RYR3: variants seen among roughly 807,000 people sequenced by gnomAD.
RYR3 encodes ryanodine receptor 3.
RYR3 carries 207 observed loss-of-function variants against 584.3 expected under a neutral mutation model. The ratio of observed to expected loss-of-function variants is 0.35; its 90% CI spans 0.32 to 0.40. The LOEUF is 0.40. Ranked by LOEUF, RYR3 falls within the 10% of genes least tolerant of loss-of-function variation. The probability of loss-of-function intolerance (pLI) is 1.00; values close to 1 mark genes in which losing one functional copy is unlikely to be tolerated. For missense variants in RYR3, 5,616 were observed against 6,089.2 expected, an observed-to-expected ratio of 0.92 and a Z score of 2.59; for synonymous variants, 2,416 against 2,248.5, an observed-to-expected ratio of 1.07 and a Z score of -2.11.
intron 12 of RYR3, among the ~76,000 whole-genome samples, chr15:33,568,870 A>C (rs1229320279): frequency 6.6e-6 from 1 of 152,238 alleles, no homozygotes; most frequent in African/African-American, 2.4e-5. Context: ...AGCCCTAGGC[A>C]ACCACTAATC....
chr15:33,645,873 A>G (rs2062074085), intron 28 of RYR3, among the ~76,000 whole-genome samples: 1 of 151,402 alleles, frequency 6.6e-6, no homozygotes, highest in Admixed American at 6.6e-5. Flanking sequence ...GGCAGAGATG[A>G]GAGCTGGGCT....
intron 14 of RYR3, among the ~76,000 whole-genome samples, chr15:33,583,122 C>T (rs530723013): frequency 3.3e-5 from 5 of 152,226 alleles, no homozygotes; most frequent in East Asian, 1.9e-4. Flanking sequence ...ATACAGATGC[C>T]GAGGCCCACC....
chr15:33,342,950 A>C (rs1253415701), intron 1 of RYR3, among the ~76,000 whole-genome samples: 4 of 152,242 alleles, frequency 2.6e-5, no homozygotes, highest in Non-Finnish European at 4.4e-5. Context: ...GGGCAGAAGT[A>C]TAGAGCTTTG....
At chr15:33,801,354 G>A (rs192475397) in intron 68 of RYR3, among the ~76,000 whole-genome samples, 1 of 152,192 alleles carries the variant, frequency 6.6e-6, no homozygotes, top group East Asian at 1.9e-4. Context: ...GGTGACAAAT[G>A]TTTCATATTT....
At chr15:33,706,158 T>C (rs2066701465) in intron 42 of RYR3, among the ~76,000 whole-genome samples, 1 of 152,206 alleles carries the variant, frequency 6.6e-6, no homozygotes, top group South Asian at 2.1e-4. Flanking sequence ...AATAAAAACT[T>C]GAGCAGTTCT....
At chr15:33,317,220 A>G (rs906133636) in intron 1 of RYR3, among the ~76,000 whole-genome samples, 1 of 152,142 alleles carries the variant, frequency 6.6e-6, no homozygotes, top group African/African-American at 2.4e-5. Flanking sequence ...TCTTTCGCTC[A>G]AAGCACTGGG....
intron 32 of RYR3, among the ~76,000 whole-genome samples, chr15:33,658,035 C>T (rs144611575): frequency 0.013 from 1,908 of 152,328 alleles, 18 homozygotes; most frequent in Middle Eastern, 0.034. Context: ...TATACTCATT[C>T]TCTGTTGTCA....
At chr15:33,669,253 A>T in intron 36 of RYR3, 101 bp from the exon 37 acceptor site, 1 of 802,290 alleles carries the variant, frequency 1.2e-6, no homozygotes, top group Non-Finnish European at 1.9e-6. Flanking sequence ...CACTAAGTAA[A>T]ATAAATTTGA....
At position 33,560,093 on chromosome 15, in the gene RYR3, G is replaced by T. The variant is rs1161598722; in HGVS notation, c.973-2744G>T. On this transcript the variant is annotated intron_variant, in intron 10 of 103. Transcript: ENST00000634891. ...CATTTCTAGCAGTAGGGTGACTGCA[G>T]CTGGGACCATATTCAAGTAAAAACA... Among the ~76,000 whole-genome samples, 4 of 152,318 alleles carry T rather than the reference G, an allele frequency of 2.6e-5. No homozygotes were observed. In the East Asian group the frequency reaches 7.7e-4, roughly 29 times the overall value.
At chr15:33,472,324 A>G (rs910999727) in intron 1 of RYR3, among the ~76,000 whole-genome samples, 1 of 152,176 alleles carries the variant, frequency 6.6e-6, no homozygotes, top group African/African-American at 2.4e-5. Context: ...TATTTTCTTC[A>G]CTTCGTAGGC....
At chr15:33,613,776 C>A (rs1001862212) in intron 19 of RYR3, among the ~76,000 whole-genome samples, 3 of 152,192 alleles carry the variant, frequency 2.0e-5, no homozygotes, top group Non-Finnish European at 4.4e-5. Flanking sequence ...CTTTCTTCTA[C>A]AAATATACAT....
At chr15:33,357,834 C>T (rs139321541) in intron 1 of RYR3, among the ~76,000 whole-genome samples, 64 of 152,274 alleles carry the variant, frequency 4.2e-4, no homozygotes, top group Middle Eastern at 3.4e-3. Flanking sequence ...CAGTCACCAG[C>T]GAGCCTAATC....
At chr15:33,477,146 T>C (rs1225385715) in intron 2 of RYR3, among the ~76,000 whole-genome samples, 7 of 152,130 alleles carry the variant, frequency 4.6e-5, no homozygotes, top group Non-Finnish European at 1.0e-4. Flanking sequence ...CAAATATCCT[T>C]CTTCTCAGCT....
chr15:33,695,236 T>A (rs1259304463), intron 38 of RYR3, among the ~76,000 whole-genome samples: 1 of 152,210 alleles, frequency 6.6e-6, no homozygotes, highest in Non-Finnish European at 1.5e-5. Context: ...TGTCATCTTC[T>A]GGAAGTGTGG....
intron 1 of RYR3, among the ~76,000 whole-genome samples, chr15:33,384,449 A>G (rs1399059897): frequency 7.0e-6 from 1 of 143,630 alleles, no homozygotes; most frequent in African/African-American, 2.5e-5. Flanking sequence ...TTTAATTAAT[A>G]TAATTATAAT....
intron 1 of RYR3, among the ~76,000 whole-genome samples, chr15:33,334,056 T>C (rs1970674989): frequency 6.6e-6 from 1 of 152,136 alleles, no homozygotes; most frequent in South Asian, 2.1e-4. Flanking sequence ...GGAAAAACAT[T>C]CCATGCTCAT....
chr15:33,843,391 T>A, intron 91 of RYR3, 97 bp from the exon 92 acceptor site: 1 of 770,822 alleles, frequency 1.3e-6, no homozygotes, highest in Non-Finnish European at 2.2e-6. Context: ...ACGAGTCAAG[T>A]GTGAACTTCT....
In RYR3 at chr15:33,760,815, T is replaced by G. The variant is rs529276869; in HGVS notation, c.8705+3219T>G. Among the ~76,000 whole-genome samples the G allele has an allele frequency of 4.6e-5, 7 of 152,196 alleles. No homozygotes were observed. In the South Asian group the frequency reaches 8.3e-4, roughly 18 times the overall value. On this transcript the variant is annotated intron_variant, in intron 60 of 103. Transcript: ENST00000634891. ...AATATACATTCTTCTCAGCACCACA[T>G]GCACCTATTCTAAAATTGACCACAT...
chr15:33,759,628 A>G (rs1002410146), intron 60 of RYR3, among the ~76,000 whole-genome samples: 2 of 152,246 alleles, frequency 1.3e-5, no homozygotes, highest in African/African-American at 4.8e-5. Context: ...AAAGCCTTCA[A>G]GAAATATGGG....
Sources: allele counts gnomAD v4.1 joint callset (sites outside exome capture counted in the v4.1 genomes callset), GRCh38; gene constraint gnomAD v4.1.1; transcripts MANE v1.5; gene names NCBI Gene and HGNC (gene_info 2026-07-23, HGNC 2026-07-21).